REL: variants seen among roughly 807,000 people sequenced by gnomAD.
REL encodes REL proto-oncogene, NF-kB subunit.
REL carries 15 observed loss-of-function variants against 45.9 expected under a neutral mutation model. That is an observed-to-expected ratio of 0.33 (90% confidence interval 0.22 to 0.50). REL has a LOEUF of 0.50. Ranked by LOEUF, REL falls within the 20% of genes least tolerant of loss-of-function variation. The probability of loss-of-function intolerance (pLI) is 0.98; values close to 1 mark genes in which losing one functional copy is unlikely to be tolerated. For synonymous variants in REL, 239 were observed against 242.1 expected, an observed-to-expected ratio of 0.99 and a Z score of 0.12; for missense variants, 601 against 715.2, an observed-to-expected ratio of 0.84 and a Z score of 1.82.
chr2:60,890,262 C>G (rs1036393151), intron 1 of REL, among the ~76,000 whole-genome samples: 2 of 152,160 alleles, frequency 1.3e-5, no homozygotes, highest in Admixed American at 6.5e-5. Flanking sequence ...TATGACACTT[C>G]GTAAGAATTT....
intron 1 of REL, 32 bp from the exon 2 acceptor site, chr2:60,891,651 C>T (rs985384173): frequency 1.3e-6 from 2 of 1,553,020 alleles, no homozygotes; most frequent in Non-Finnish European, 1.7e-6. Context: ...ATATTAATCT[C>T]ACTGACCTCC....
At position 60,931,291 on chromosome 2, in the gene REL, G is replaced by C. The variant is rs1322817033; in HGVS notation, c.*8756G>C. The C allele has an allele frequency of 6.6e-6, 1 of 152,310 alleles. No homozygotes were observed. Among genetic ancestry groups the C allele is most frequent in the Non-Finnish European group, 1.5e-5 (1 of 68,024 alleles). 9.4% of individuals were successfully genotyped at this position (152,310 alleles called of 1,614,324 possible). ...TTGACCAGGTGAACCCTTTAGAAGT[G>C]ATTTCTGTTTTAAAAGTATGTACTT... On this transcript the variant is annotated 3_prime_UTR_variant, in exon 10 of 10. Transcript: ENST00000394479.
At chr2:60,920,511 A>AT in intron 8 of REL, 63 bp from the exon 9 acceptor site, 1 of 1,346,396 alleles carries the variant, frequency 7.4e-7, no homozygotes, top group South Asian at 1.2e-5. Context: ...AGTTTTTCAG[A>AT]TTTTAACTGA....
At chr2:60,894,648 ATTCTAC>A in intron 3 of REL, 103 bp downstream of exon 3, 1 of 886,836 alleles carries the variant, frequency 1.1e-6, no homozygotes, top group Admixed American at 3.2e-5. Flanking sequence ...TAATTTTCTC[ATTCTAC>A]TTCTATTTAC....
In REL at chr2:60,918,090, C is replaced by G. The variant is rs1264555480; in HGVS notation, c.536-101C>G. 11 of 691,750 alleles carry G rather than the reference C, an allele frequency of 1.6e-5. No individual in the cohort carries two copies. The East Asian group carries it at 2.4e-4, about 15-fold the overall frequency. The allele number at this position is 691,750 out of a possible 1,614,324, so 42.9% of individuals were successfully genotyped here. A position where few individuals can be genotyped will look rare whatever the true frequency, so the allele number is the denominator to read the frequency against. Reference sequence around the variant, plus strand: ...AGTGTCATTTATCTATACACTAAAACTTTTATTCTGTGAATGCTTTTCCTC... The same window carrying G: ...AGTGTCATTTATCTATACACTAAAAGTTTTATTCTGTGAATGCTTTTCCTC... On this transcript the variant is annotated intron_variant, in intron 5 of 9. Transcript: ENST00000394479.
chr2:60,915,337 G>A (rs1164097011), intron 4 of REL, among the ~76,000 whole-genome samples: 1 of 152,200 alleles, frequency 6.6e-6, no homozygotes, highest in East Asian at 1.9e-4. Flanking sequence ...CTGTAAAAAT[G>A]GATTTTGAAG....
chr2:60,891,483 C>T (rs1407464469), intron 1 of REL, among the ~76,000 whole-genome samples, 200 bp from the exon 2 acceptor site: 4 of 152,004 alleles, frequency 2.6e-5, no homozygotes, highest in Non-Finnish European at 4.4e-5. Flanking sequence ...TTTGACACTA[C>T]ATAGGGACTC....
chr2:60,902,633 G>A (rs1215228036), intron 4 of REL, among the ~76,000 whole-genome samples: 4 of 138,754 alleles, frequency 2.9e-5, no homozygotes, highest in East Asian at 2.1e-4. Flanking sequence ...TTGCTCTGTC[G>A]CCCAGGATGG....
chr2:60,904,571 CA>C (rs1673590508), intron 4 of REL, among the ~76,000 whole-genome samples: 1 of 145,948 alleles, frequency 6.9e-6, no homozygotes, highest in Admixed American at 6.8e-5. Flanking sequence ...AACTCCATCT[CA>C]AAAAAAATAA....
chr2:60,893,208 T>A (rs1673263580), intron 2 of REL, among the ~76,000 whole-genome samples: 1 of 152,266 alleles, frequency 6.6e-6, no homozygotes, highest in African/African-American at 2.4e-5. Flanking sequence ...GTTACTTTTA[T>A]CAACAGATCT....
chr2:60,910,602 G>C (rs1039591529), intron 4 of REL, among the ~76,000 whole-genome samples: 10 of 152,030 alleles, frequency 6.6e-5, no homozygotes, highest in Non-Finnish European at 2.9e-5. Context: ...AAGTCGATTG[G>C]TCTCATGCTT....
At chr2:60,916,740 G>C (rs947401492) in intron 4 of REL, 137 bp from the exon 5 acceptor site, 2 of 542,390 alleles carry the variant, frequency 3.7e-6, no homozygotes, top group Non-Finnish European at 3.2e-6. Flanking sequence ...TCTTGAGATT[G>C]TATACTGTTC....
In REL at chr2:60,918,207, A is replaced by C. The variant is rs1338772496; in HGVS notation, c.552A>C (p.Ala184=). 11 of 1,601,310 alleles carry C rather than the reference A, an allele frequency of 6.9e-6. No homozygotes were observed. The highest frequency in any genetic ancestry group is 1.3e-5 in the African/African-American group (1 of 74,358). ...PIYDNRAPNT[A]ELRICRVNKN... ...TATATTTAGGTGCTCCAAATACTGC[A>C]GAATTAAGGATTTGTCGTGTAAACA... Residue 184 remains alanine, a synonymous_variant, in exon 6 of 10, where the codon GCA becomes GCC. Transcript: ENST00000394479.
chr2:60,916,203 G>C (rs1008899838), intron 4 of REL, among the ~76,000 whole-genome samples: 2 of 152,136 alleles, frequency 1.3e-5, no homozygotes, highest in Admixed American at 6.5e-5. Context: ...ACTTGAGCCT[G>C]GGAGTTTGAG....
Position 60,923,071 on chromosome 2 carries a change from T to C in REL, c.*536T>C, listed in dbSNP as rs1674188547. 1 of 175,260 alleles carries C rather than the reference T, an allele frequency of 5.7e-6. No individual in the cohort carries two copies. The highest frequency in any genetic ancestry group is 2.0e-4 in the South Asian group (1 of 5,032). The allele number at this position is 175,260 out of a possible 1,614,324, so 10.9% of individuals were successfully genotyped here. ...AAAAAAAAAAACAAAAAAAACACACTTTTTTATATTTCTTTTTATAATGTT... is the reference window on the plus strand; with the variant it reads ...AAAAAAAAAAACAAAAAAAACACACCTTTTTATATTTCTTTTTATAATGTT... On this transcript the variant is annotated 3_prime_UTR_variant, in exon 10 of 10. Coordinates refer to ENST00000394479, the MANE Select transcript of REL (RefSeq NM_001291746.2).
intron 1 of REL, among the ~76,000 whole-genome samples, chr2:60,889,181 T>TC (rs1401999388): frequency 6.6e-6 from 1 of 152,216 alleles, no homozygotes; most frequent in African/African-American, 2.4e-5. Context: ...GACACACTGT[T>TC]CCCTTTTCCC....
At chr2:60,901,189 T>C in intron 4 of REL, 106 bp downstream of exon 4, 1 of 1,317,210 alleles carries the variant, frequency 7.6e-7, no homozygotes, top group South Asian at 1.6e-5. Context: ...GGAGTTTTGC[T>C]CTTGTCGCCA....
At chr2:60,907,508 CT>C (rs1024106815) in intron 4 of REL, among the ~76,000 whole-genome samples, 46 of 151,982 alleles carry the variant, frequency 3.0e-4, no homozygotes, top group Admixed American at 6.5e-4. Context: ...TGGGTGCGTG[CT>C]GCAAGTCCCA....
chr2:60,886,700 A>T (rs1010498848), intron 1 of REL, among the ~76,000 whole-genome samples: 1 of 152,130 alleles, frequency 6.6e-6, no homozygotes, highest in African/African-American at 2.4e-5. Context: ...GTTTGTTAAT[A>T]ATGTGTCTAT....
Sources: allele counts gnomAD v4.1 joint callset (sites outside exome capture counted in the v4.1 genomes callset), GRCh38; gene constraint gnomAD v4.1.1; transcripts MANE v1.5; gene names NCBI Gene and HGNC (gene_info 2026-07-23, HGNC 2026-07-21).